The following NECTIN3 variants were observed in gnomAD, a reference collection of about 807,000 sequenced individuals.
NECTIN3 encodes nectin cell adhesion molecule 3.
In NECTIN3, 8 loss-of-function variants were observed where a neutral mutation model predicts 49.4. The ratio of observed to expected loss-of-function variants is 0.16; its 90% CI spans 0.10 to 0.29. The LOEUF is 0.29. Ranked by LOEUF, NECTIN3 falls within the 10% of genes least tolerant of loss-of-function variation. NECTIN3 has a pLI of 1.00. For missense variants in NECTIN3, 581 were observed against 654.6 expected, an observed-to-expected ratio of 0.89 and a Z score of 1.23; for synonymous variants, 277 against 241.1, an observed-to-expected ratio of 1.15 and a Z score of -1.38.
chr3:111,190,855 C>T (rs2035801787), upstream of NECTIN3, among the ~76,000 whole-genome samples: 1 of 152,114 alleles, frequency 6.6e-6, no homozygotes, highest in Admixed American at 6.5e-5. Context: ...ACAAGACAGT[C>T]ATGATGTGTG....
downstream of NECTIN3, among the ~76,000 whole-genome samples, chr3:111,140,794 C>G (rs1227514723): frequency 6.6e-6 from 1 of 151,848 alleles, no homozygotes; most frequent in African/African-American, 2.4e-5. Flanking sequence ...ATTTCACTCT[C>G]CCCGTAGATA....
intron 4 of NECTIN3, among the ~76,000 whole-genome samples, chr3:111,125,146 A>G (rs1001142000): frequency 2.0e-5 from 3 of 147,458 alleles, no homozygotes; most frequent in Admixed American, 7.0e-5. Context: ...CTCCTGCCTC[A>G]GCATCCCAAG....
intron 6 of NECTIN3, chr3:111,147,303 G>T: frequency 1.1e-6 from 1 of 873,070 alleles, no homozygotes; most frequent in Non-Finnish European, 1.7e-6. Flanking sequence ...TATATAATAT[G>T]AGGAAAATAT....
At chr3:111,189,419 A>G (rs2035776311), upstream of NECTIN3, among the ~76,000 whole-genome samples, 1 of 152,160 alleles carries the variant, frequency 6.6e-6, no homozygotes, top group Non-Finnish European at 1.5e-5. Context: ...GTGGGAGAAA[A>G]TGAGATTGTA....
At position 111,126,182 on chromosome 3, in the gene NECTIN3, A is replaced by G. The variant is rs2034156375; in HGVS notation, c.918-2A>G. ...AATAATTTTATGCATTTTAAAATCT[A>G]GGTTGGATGGACAATGGCCTGATGG... is the stretch of plus-strand genomic sequence containing the variant. On this transcript the variant is annotated splice_acceptor_variant, in intron 4 of 5. Transcript: ENST00000485303. LOFTEE classifies it high-confidence loss of function. The G allele has an allele frequency of 6.4e-7, 1 of 1,555,018 alleles. No homozygotes were observed. The highest frequency in any genetic ancestry group is 8.6e-7 in the Non-Finnish European group (1 of 1,157,846).
chr3:111,134,115 G>T lies in NECTIN3; in HGVS notation c.1550G>T (p.Gly517Val). ...PMDYYEDLKM[G>V]MKFVSDEHYD... is the part of the protein sequence containing the mutation. ...GATTATTATGAAGATCTAAAAATGG[G>T]AATGAAGTTTGTCAGTGATGAACAT... Residue 517 changes from glycine (G) to valine (V), a missense_variant, in exon 6 of 6, where the codon GGA becomes GTA. By Grantham distance (109) the Gly-to-Val change is moderately radical. Transcript: ENST00000485303. 6.2e-7 allele frequency: 1 copy of T among 1,613,502 alleles called. No homozygotes were observed. Among genetic ancestry groups the T allele is most frequent in the Non-Finnish European group, 8.5e-7 (1 of 1,179,626 alleles).
At chr3:111,187,045 G>A (rs2035732803) in intron 7 of NECTIN3, among the ~76,000 whole-genome samples, 1 of 152,128 alleles carries the variant, frequency 6.6e-6, no homozygotes, top group Non-Finnish European at 1.5e-5. Context: ...TTGAGGACAT[G>A]GAGCAGCTGA....
chr3:111,107,546 C>G (rs755119629), intron 1 of NECTIN3, among the ~76,000 whole-genome samples: 2 of 152,094 alleles, frequency 1.3e-5, no homozygotes, highest in African/African-American at 4.8e-5. Context: ...CAATTATTTG[C>G]TATTCCTTTG....
At chr3:111,101,222 C>G (rs752567775) in intron 1 of NECTIN3, among the ~76,000 whole-genome samples, 1 of 152,028 alleles carries the variant, frequency 6.6e-6, no homozygotes, top group African/African-American at 2.4e-5. Flanking sequence ...AGAACCCTTA[C>G]TTAATATTGG....
At chr3:111,174,400 G>A (rs768015374) in intron 7 of NECTIN3, among the ~76,000 whole-genome samples, 4 of 151,978 alleles carry the variant, frequency 2.6e-5, no homozygotes, top group Non-Finnish European at 5.9e-5. Context: ...TTTCCACTGC[G>A]GATATATTGA....
intron 6 of NECTIN3, among the ~76,000 whole-genome samples, chr3:111,146,251 G>A (rs975773299): frequency 1.3e-5 from 2 of 151,662 alleles, no homozygotes; most frequent in South Asian, 2.1e-4. Flanking sequence ...CGGCTAAAAC[G>A]GTGAAACCCC....
chr3:111,100,218 A>G (rs1177086337), intron 1 of NECTIN3, among the ~76,000 whole-genome samples: 1 of 152,084 alleles, frequency 6.6e-6, no homozygotes, highest in Non-Finnish European at 1.5e-5. Context: ...ACAAATTTTT[A>G]CCTGGACCGT....
At chr3:111,182,981 C>T (rs2035652561) in intron 7 of NECTIN3, among the ~76,000 whole-genome samples, 1 of 151,676 alleles carries the variant, frequency 6.6e-6, no homozygotes, top group Non-Finnish European at 1.5e-5. Flanking sequence ...AATTTAAATA[C>T]ATTTATTTAG....
chr3:111,086,749 A>G (rs934423946), intron 1 of NECTIN3, among the ~76,000 whole-genome samples: 3 of 151,902 alleles, frequency 2.0e-5, no homozygotes, highest in African/African-American at 7.3e-5. Flanking sequence ...CAGTTTATTA[A>G]TTTTCATAAA....
rs540127810 is a variant in NECTIN3 at position 111,087,723 on chromosome 3, G to C, written c.160+15546G>C. ...TTTTTTTTAATTTTATTTTGAGACC[G>C]AGTCTTGTTCTGTTGCCCAGGCTGG... On this transcript the variant is annotated intron_variant, in intron 1 of 5. Coordinates refer to ENST00000485303, the MANE Select transcript of NECTIN3 (RefSeq NM_015480.3). Among the ~76,000 whole-genome samples, 344 of 151,324 alleles carry C rather than the reference G, an allele frequency of 2.3e-3. 1 individual carries two copies. Among genetic ancestry groups the C allele is most frequent in the Non-Finnish European group, 4.2e-3 (287 of 67,854 alleles).
chr3:111,091,885 C>T (rs2032292409), intron 1 of NECTIN3, among the ~76,000 whole-genome samples: 1 of 152,160 alleles, frequency 6.6e-6, no homozygotes, highest in African/African-American at 2.4e-5. Flanking sequence ...AAACTGTTTT[C>T]CAAAGGGGCT....
chr3:111,180,826 A>G (rs554622227), intron 7 of NECTIN3, among the ~76,000 whole-genome samples: 135 of 152,306 alleles, frequency 8.9e-4, no homozygotes, highest in Admixed American at 1.3e-3. Context: ...TTTAATATGT[A>G]CTTTTTTCGT....
At chr3:111,162,009 G>A (rs994122067) in intron 7 of NECTIN3, among the ~76,000 whole-genome samples, 1 of 152,104 alleles carries the variant, frequency 6.6e-6, no homozygotes. Flanking sequence ...TAGCAGATCT[G>A]TATACACACA....
At chr3:111,110,156 T>G (rs1004570630) in intron 1 of NECTIN3, among the ~76,000 whole-genome samples, 2 of 152,030 alleles carry the variant, frequency 1.3e-5, no homozygotes, top group African/African-American at 4.8e-5. Context: ...TAATAATTAT[T>G]TCTTTTCCTT....
Sources: allele counts gnomAD v4.1 joint callset (sites outside exome capture counted in the v4.1 genomes callset), GRCh38; gene constraint gnomAD v4.1.1; transcripts MANE v1.5; gene names NCBI Gene and HGNC (gene_info 2026-07-23, HGNC 2026-07-21).